HTATIP2: variants seen among roughly 807,000 people sequenced by gnomAD.
HTATIP2 encodes protein HTATIP2.
A neutral mutation model predicts 24.7 loss-of-function variants in HTATIP2; 26 were observed. That is an observed-to-expected ratio of 1.05 (90% confidence interval 0.77 to 1.46). HTATIP2 has a LOEUF of 1.46. HTATIP2 is among the 40% of genes most tolerant of loss of function. The pLI is 0.00. For missense variants in HTATIP2, 284 were observed against 289.6 expected, an observed-to-expected ratio of 0.98 and a Z score of 0.14; for synonymous variants, 99 against 113.2, an observed-to-expected ratio of 0.87 and a Z score of 0.79.
intron 2 of HTATIP2, chr11:20,367,741 C>A: frequency 1.2e-6 from 1 of 869,018 alleles, no homozygotes; most frequent in Non-Finnish European, 1.4e-6. Flanking sequence ...AACACAGGCA[C>A]GATTCAACCA....
At chr11:20,382,688 C>G (rs1848538195) in intron 4 of HTATIP2, among the ~76,000 whole-genome samples, 1 of 152,166 alleles carries the variant, frequency 6.6e-6, no homozygotes, top group African/African-American at 2.4e-5. Flanking sequence ...TGGCAGTGTC[C>G]TCACATGGCC....
At chr11:20,366,099 C>CTTTTTTTTTTTT (rs746247166) in intron 1 of HTATIP2, among the ~76,000 whole-genome samples, 14 of 108,668 alleles carry the variant, frequency 1.3e-4, no homozygotes, top group Non-Finnish European at 1.5e-4. Context: ...CTTTTCTTTT[C>CTTTTTTTTTTTT]TTTTTTTTTT....
chr11:20,366,103 T>TC (rs2064701795), intron 1 of HTATIP2, among the ~76,000 whole-genome samples: 1 of 128,730 alleles, frequency 7.8e-6, no homozygotes, highest in Non-Finnish European at 1.7e-5. Context: ...TCTTTTCTTT[T>TC]TTTTTTTTTT....
chr11:20,374,007 G>A (rs553288258), intron 2 of HTATIP2, among the ~76,000 whole-genome samples: 329 of 152,296 alleles, frequency 2.2e-3, no homozygotes, highest in African/African-American at 7.6e-3. Flanking sequence ...GTGATGACTC[G>A]TGAGTAAAGA....
At position 20,383,160 on chromosome 11, in the gene HTATIP2, G is replaced by A. The variant is rs749219713; in HGVS notation, c.684G>A (p.Lys228=). The change falls in exon 5 of 5, where the codon AAG becomes AAA. Residue 228 remains lysine, a synonymous_variant. Transcript: ENST00000451739. ...AGCAGATGGAACTGCTGGAGAACAA[G>A]GCCATCCATGACCTGGGGAAAGCGC... ...RDKQMELLEN[K]AIHDLGKAHG... 4.3e-6 allele frequency: 7 copies of A among 1,613,948 alleles called. No individual in the cohort carries two copies. In the South Asian group the frequency reaches 7.7e-5, roughly 18 times the overall value.
chr11:20,381,443 C>T (rs1053757280), intron 3 of HTATIP2, among the ~76,000 whole-genome samples: 1 of 150,890 alleles, frequency 6.6e-6, no homozygotes, highest in African/African-American at 2.4e-5. Flanking sequence ...CTATCACACA[C>T]AAAAAATACA....
intron 2 of HTATIP2, among the ~76,000 whole-genome samples, chr11:20,373,616 C>A (rs11607982): frequency 0.35 from 53,174 of 151,874 alleles, 9,619 homozygotes; most frequent in South Asian, 0.44. Context: ...ACAACAACAA[C>A]AAAAAAACTG....
At chr11:20,371,496 G>A (rs1037928927) in intron 2 of HTATIP2, among the ~76,000 whole-genome samples, 5 of 152,068 alleles carry the variant, frequency 3.3e-5, no homozygotes, top group African/African-American at 7.2e-5. Flanking sequence ...GCAGGAGTGC[G>A]ATTTCGGTCA....
At position 20,364,043 on chromosome 11, in the gene HTATIP2, T is replaced by A; in HGVS notation, c.-195T>A. 7.6e-7 allele frequency: 1 copy of A among 1,324,124 alleles called. No homozygotes were observed. The highest frequency in any genetic ancestry group is 9.6e-7 in the Non-Finnish European group (1 of 1,037,402). The allele number at this position is 1,324,124 out of a possible 1,614,324, so 82.0% of individuals were successfully genotyped here. On this transcript the variant is annotated 5_prime_UTR_variant, in exon 1 of 5. An upstream start codon of the reference 5' UTR is lost. Transcript: ENST00000451739. Reference sequence around the variant, plus strand: ...ACCCTCCAGCTCGGGCCCCTTCCGATGGGTCTGCTGGCTCAGGTGCGGGCG... The same window carrying A: ...ACCCTCCAGCTCGGGCCCCTTCCGAAGGGTCTGCTGGCTCAGGTGCGGGCG...
intron 2 of HTATIP2, among the ~76,000 whole-genome samples, chr11:20,375,291 G>C (rs1280097609): frequency 6.6e-6 from 1 of 152,088 alleles, no homozygotes; most frequent in Non-Finnish European, 1.5e-5. Context: ...AAAAAATCAG[G>C]CCGGGCGCGG....
chr11:20,367,717 GA>G, intron 2 of HTATIP2: 1 of 1,042,650 alleles, frequency 9.6e-7, no homozygotes, highest in African/African-American at 1.7e-5. Flanking sequence ...TAAACTTCTG[GA>G]ATAGAACATC....
At chr11:20,365,671 A>G (rs2064692903) in intron 1 of HTATIP2, among the ~76,000 whole-genome samples, 1 of 152,120 alleles carries the variant, frequency 6.6e-6, no homozygotes, top group Non-Finnish European at 1.5e-5. Context: ...ATTCATGGTA[A>G]TTAGAAGCTG....
At chr11:20,374,080 T>A (rs1848405046) in intron 2 of HTATIP2, among the ~76,000 whole-genome samples, 1 of 152,174 alleles carries the variant, frequency 6.6e-6, no homozygotes, top group African/African-American at 2.4e-5. Flanking sequence ...AACACTGTCC[T>A]CCAGGTGGTG....
chr11:20,363,826 G>A lies in HTATIP2; in HGVS notation c.-412G>A, dbSNP rs1287569012. On this transcript the variant is annotated 5_prime_UTR_variant, in exon 1 of 5. Transcript: ENST00000451739. ...GGGATGCTCTGATGGCCGGGCCTGC[G>A]GCGCTGAGCGCGGCGGCGGCGGCTG... 2 of 1,245,734 alleles carry A rather than the reference G, an allele frequency of 1.6e-6. No homozygotes were observed. Among genetic ancestry groups the A allele is most frequent in the Admixed American group, 4.2e-5 (1 of 23,734 alleles). 77.2% of individuals were successfully genotyped at this position (1,245,734 alleles called of 1,614,324 possible). A position where few individuals can be genotyped will look rare whatever the true frequency, so the allele number is the denominator to read the frequency against.
Position 20,364,428 on chromosome 11 carries a change from A to C in HTATIP2, c.191A>C (p.Asn64Thr), listed in dbSNP as rs779311906. ...KLTFDEEAYK[N>T]VNQEVVDFEK... Reference sequence around the variant, plus strand: ...ACCTTCGACGAGGAAGCTTATAAAAATGTGGTGGGTATTTCAGCTGGGACT... The same window carrying C: ...ACCTTCGACGAGGAAGCTTATAAAACTGTGGTGGGTATTTCAGCTGGGACT... Residue 64 changes from asparagine (N) to threonine (T), a missense_variant, in exon 1 of 5, where the codon AAT (asparagine) becomes ACT (threonine). Asn to Thr is a moderately conservative substitution (Grantham distance 65). Coordinates refer to ENST00000451739, the MANE Select transcript of HTATIP2 (RefSeq NM_001098522.2). 1 of 1,605,460 alleles carries C rather than the reference A, an allele frequency of 6.2e-7. No individual in the cohort carries two copies. Among genetic ancestry groups the C allele is most frequent in the Non-Finnish European group, 8.5e-7 (1 of 1,174,530 alleles).
intron 1 of HTATIP2, among the ~76,000 whole-genome samples, chr11:20,366,952 T>TA (rs2064715267): frequency 6.6e-6 from 1 of 152,210 alleles, no homozygotes; most frequent in South Asian, 2.1e-4. Context: ...GAAATCTGGA[T>TA]CACCCCTAGT....
intron 3 of HTATIP2, among the ~76,000 whole-genome samples, chr11:20,378,780 G>A (rs1848479275): frequency 6.6e-6 from 1 of 152,208 alleles, no homozygotes; most frequent in Admixed American, 6.5e-5. Flanking sequence ...GCTCACGCCT[G>A]TAATTCTAGC....
At chr11:20,364,699 TG>T (rs1030705763) in intron 1 of HTATIP2, among the ~76,000 whole-genome samples, 4 of 152,046 alleles carry the variant, frequency 2.6e-5, no homozygotes, top group African/African-American at 9.7e-5. Context: ...TGGGTTGTAA[TG>T]GGGGTGGGGG....
chr11:20,371,787 A>T (rs2064775086), intron 2 of HTATIP2, among the ~76,000 whole-genome samples: 1 of 152,150 alleles, frequency 6.6e-6, no homozygotes, highest in Non-Finnish European at 1.5e-5. Flanking sequence ...TCCAATTGGA[A>T]AACTTTTTCA....
Sources: gnomAD v4.1 joint callset for allele counts (sites outside exome capture counted in the v4.1 genomes callset) on GRCh38, gnomAD v4.1.1 for gene constraint, MANE v1.5 for transcripts, NCBI Gene and HGNC (gene_info 2026-07-23, HGNC 2026-07-21) for gene names.